Variants in POLR1B observed in about 807,000 individuals in gnomAD.
The protein encoded by POLR1B is RNA polymerase I subunit B.
In POLR1B, 30 loss-of-function variants were observed where a neutral mutation model predicts 105.8. The observed-to-expected ratio is 0.28, with a 90% CI of 0.21 to 0.38. POLR1B has a LOEUF of 0.38. Ranked by LOEUF, POLR1B falls within the 10% of genes least tolerant of loss-of-function variation. POLR1B has a pLI of 1.00. For synonymous variants in POLR1B, 485 were observed against 505.1 expected (o/e 0.96, Z 0.53); for missense variants, 976 against 1,435.8 (o/e 0.68, Z 5.17).
intron 7 of POLR1B, among the ~76,000 whole-genome samples, 174 bp downstream of exon 7, chr2:112,552,990 A>G (rs1683452669): frequency 6.6e-6 from 1 of 152,212 alleles, no homozygotes; most frequent in South Asian, 2.1e-4. Context: ...GGCTTACACC[A>G]GGTTTGGAAA....
At chr2:112,574,453 T>G (rs557150693) in intron 14 of POLR1B, among the ~76,000 whole-genome samples, 1 of 152,130 alleles carries the variant, frequency 6.6e-6, no homozygotes, top group African/African-American at 2.4e-5. Flanking sequence ...GGCACAGTAG[T>G]TCACACCTGC....
intron 9 of POLR1B, among the ~76,000 whole-genome samples, chr2:112,564,042 A>G (rs776979354): frequency 2.0e-4 from 31 of 152,234 alleles, no homozygotes; most frequent in Middle Eastern, 6.8e-3. Flanking sequence ...TACCACATCT[A>G]CAAGTCCAGT....
At chr2:112,548,863 C>T (rs1466430949) in intron 3 of POLR1B, among the ~76,000 whole-genome samples, 4 of 152,168 alleles carry the variant, frequency 2.6e-5, no homozygotes, top group African/African-American at 7.2e-5. Context: ...GCTCCTGTCT[C>T]GGCCTCCCAA....
At chr2:112,548,757 C>T (rs565643397) in intron 3 of POLR1B, among the ~76,000 whole-genome samples, 7 of 152,172 alleles carry the variant, frequency 4.6e-5, no homozygotes, top group South Asian at 2.1e-4. Context: ...GGACTACAGG[C>T]GCCCACTACC....
intron 9 of POLR1B, among the ~76,000 whole-genome samples, chr2:112,560,851 G>A (rs887708454): frequency 5.3e-5 from 8 of 152,292 alleles, no homozygotes; most frequent in African/African-American, 1.7e-4. Flanking sequence ...GCGGTCAGGA[G>A]TTTAAGACCA....
In POLR1B at chr2:112,564,347, T is replaced by C. The variant is rs375603229; in HGVS notation, c.1613-19T>C. Reference sequence around the variant, plus strand: ...ATGAAGCATTCTGATGTGATTGTGCTGTTTGTTTCCTTTACCAGGGGTCAC... The same window carrying C: ...ATGAAGCATTCTGATGTGATTGTGCCGTTTGTTTCCTTTACCAGGGGTCAC... On this transcript the variant is annotated intron_variant, in intron 9 of 14. Transcript: ENST00000263331. 6 of 1,613,314 alleles carry C rather than the reference T, an allele frequency of 3.7e-6. No homozygotes were observed. The highest frequency in any genetic ancestry group is 4.2e-6 in the Non-Finnish European group (5 of 1,179,470).
intron 12 of POLR1B, 62 bp downstream of exon 12, chr2:112,568,964 CTT>C (rs1402482496): frequency 2.0e-6 from 3 of 1,477,520 alleles, no homozygotes; most frequent in African/African-American, 2.8e-5. Flanking sequence ...CTAGCACACT[CTT>C]TTATTGTCCT....
At chr2:112,557,521 A>G (rs1250290573) in intron 7 of POLR1B, among the ~76,000 whole-genome samples, 2 of 152,240 alleles carry the variant, frequency 1.3e-5, no homozygotes, top group Non-Finnish European at 2.9e-5. Context: ...GACGTTTGTT[A>G]AAGATCGTAC....
chr2:112,575,795 G>A lies in POLR1B; in HGVS notation c.*66G>A. 3 of 1,489,880 alleles carry A rather than the reference G, an allele frequency of 2.0e-6. No homozygotes were observed. The highest frequency in any genetic ancestry group is 2.7e-6 in the Non-Finnish European group (3 of 1,105,130). 92.3% of individuals were successfully genotyped at this position (1,489,880 alleles called of 1,614,324 possible). The stretch of plus-strand genomic sequence containing the variant: ...AAGCAAAATGTAATTTTAATTCAAT[G>A]AAGATATCATTACCAGGTTACTCTT... On this transcript the variant is annotated 3_prime_UTR_variant, in exon 15 of 15. Transcript: ENST00000263331. This position sits in a 1 kb window ranked among gnomAD's most constrained non-coding sequence, Gnocchi z 5.3.
At chr2:112,562,155 A>C (rs981024723) in intron 9 of POLR1B, among the ~76,000 whole-genome samples, 1 of 152,132 alleles carries the variant, frequency 6.6e-6, no homozygotes, top group Admixed American at 6.5e-5. Flanking sequence ...GGGGGACTCA[A>C]AGTTTTTTGC....
intron 10 of POLR1B, among the ~76,000 whole-genome samples, chr2:112,565,720 G>A (rs1480548546): frequency 3.9e-5 from 6 of 152,048 alleles, no homozygotes; most frequent in East Asian, 1.9e-4. Context: ...CACTGTGCCC[G>A]GCTACCCTGA....
chr2:112,544,490 T>G (rs928516661), intron 1 of POLR1B, among the ~76,000 whole-genome samples: 1 of 152,186 alleles, frequency 6.6e-6, no homozygotes, highest in Non-Finnish European at 1.5e-5. Context: ...AGAAAAATAT[T>G]TTCCAAAGCA....
At chr2:112,545,831 A>T in intron 1 of POLR1B, 1 of 371,252 alleles carries the variant, frequency 2.7e-6, no homozygotes, top group Non-Finnish European at 5.2e-6. Flanking sequence ...TTTTTTGTAG[A>T]GACGGGGTCT....
chr2:112,552,879 C>G, intron 7 of POLR1B, 63 bp downstream of exon 7: 1 of 1,345,324 alleles, frequency 7.4e-7, no homozygotes, highest in South Asian at 1.9e-5. Context: ...GTGACTTTGT[C>G]CAGCAGCACT....
intron 7 of POLR1B, chr2:112,553,643 C>T (rs1173932422): frequency 2.0e-5 from 3 of 151,980 alleles, no homozygotes; most frequent in African/African-American, 7.3e-5. Flanking sequence ...GGTCCCCAAG[C>T]ATAGCACTGA....
rs1243493554 is a variant in POLR1B, at chr2:112,559,517, G to A, written c.1555G>A (p.Glu519Lys). The change falls in exon 9 of 15, where the codon GAG becomes AAG. Residue 519 changes from glutamate to lysine, a missense_variant. By Grantham distance (56) the Glu-to-Lys change is moderately conservative (BLOSUM62 1). This residue lies in a region of POLR1B where 184 missense variants were observed against 197.4 expected (regional missense o/e 0.93). Transcript: ENST00000263331. ...GLMNHLTAVC[E>K]VVTQFVYTAS... The stretch of plus-strand genomic sequence containing the variant: ...GATGAACCACCTAACTGCCGTATGT[G>A]AGGTTGTCACACAGTTTGTGTATAC... 1.2e-6 allele frequency: 2 copies of A among 1,614,132 alleles called. No individual in the cohort carries two copies. Among genetic ancestry groups the A allele is most frequent in the Non-Finnish European group, 1.7e-6 (2 of 1,180,048 alleles).
At chr2:112,563,429 C>T (rs1684113766) in intron 9 of POLR1B, among the ~76,000 whole-genome samples, 1 of 152,218 alleles carries the variant, frequency 6.6e-6, no homozygotes, top group African/African-American at 2.4e-5. Flanking sequence ...TTCTCTGTAG[C>T]ATGTGATGCT....
intron 1 of POLR1B, among the ~76,000 whole-genome samples, chr2:112,546,344 C>T (rs898974846): frequency 3.3e-5 from 5 of 152,126 alleles, no homozygotes; most frequent in African/African-American, 9.7e-5. Flanking sequence ...GCAGTAGTCC[C>T]ATTTGTCTTG....
chr2:112,576,621 T>A lies in POLR1B; in HGVS notation c.*892T>A, dbSNP rs1684873402. On this transcript the variant is annotated 3_prime_UTR_variant, in exon 15 of 15. Coordinates refer to ENST00000263331, the MANE Select transcript of POLR1B (RefSeq NM_019014.6). ...ATGCAATATTTGTCCTGTGACTGGC[T>A]TATTTCACTTAGCATAGTGAAATAA... is the stretch of plus-strand genomic sequence containing the variant. 6.6e-6 allele frequency: 1 copy of A among 152,234 alleles called. No homozygotes were observed. The highest frequency in any genetic ancestry group is 1.5e-5 in the Non-Finnish European group (1 of 68,052). The allele number at this position is 152,234 out of a possible 1,614,324, so 9.4% of individuals were successfully genotyped here. A position where few individuals can be genotyped will look rare whatever the true frequency, so the allele number is the denominator to read the frequency against.
Sources: gnomAD v4.1 joint callset for allele counts (sites outside exome capture counted in the v4.1 genomes callset) on GRCh38, gnomAD v4.1.1 for gene constraint, gnomAD v4.1.1 regional missense constraint, Gnocchi (gnomAD v3.1) non-coding constraint, MANE v1.5 for transcripts, NCBI Gene and HGNC (gene_info 2026-07-23, HGNC 2026-07-21) for gene names.